The following RALGAPA2 variants were observed in gnomAD, a reference collection of about 807,000 sequenced individuals.
RALGAPA2 encodes the protein Ral GTPase activating protein catalytic subunit alpha 2.
Under a neutral mutation model 230.4 loss-of-function variants are expected in RALGAPA2, and 139 were observed. That is an observed-to-expected ratio of 0.60 (90% CI 0.53 to 0.69). The LOEUF is 0.69. Among genes scored for constraint, RALGAPA2 ranks in the 30% least tolerant of loss-of-function variants. RALGAPA2 has a pLI of 0.00. For missense variants in RALGAPA2, 2,163 were observed against 2,276.0 expected (o/e 0.95, Z 1.01); for synonymous variants, 847 against 837.8 (o/e 1.01, Z -0.19).
chr20:20,660,042 C>T (rs2067718641), intron 3 of RALGAPA2: 1 of 174,928 alleles, frequency 5.7e-6, no homozygotes. Flanking sequence ...GCCAGAAGTT[C>T]GAGACCAGCC....
intron 20 of RALGAPA2, 131 bp downstream of exon 20, chr20:20,582,919 G>C: frequency 6.6e-6 from 6 of 903,548 alleles, no homozygotes; most frequent in Non-Finnish European, 8.3e-6. Flanking sequence ...TCCTATGGTG[G>C]ACAGTGGTCA....
chr20:20,523,517 A>G (rs1195971826), intron 30 of RALGAPA2, among the ~76,000 whole-genome samples: 1 of 152,232 alleles, frequency 6.6e-6, no homozygotes, highest in Non-Finnish European at 1.5e-5. Context: ...CTGGTGTTCT[A>G]TAGATTAGTA....
intron 20 of RALGAPA2, among the ~76,000 whole-genome samples, chr20:20,576,619 T>C (rs1028336092): frequency 3.3e-5 from 5 of 152,186 alleles, no homozygotes; most frequent in African/African-American, 1.2e-4. Context: ...TCTCTAATTA[T>C]GTTTTTTTCA....
chr20:20,656,199 A>T (rs746416334), intron 3 of RALGAPA2, among the ~76,000 whole-genome samples: 15 of 152,252 alleles, frequency 9.9e-5, no homozygotes, highest in African/African-American at 1.4e-4. Flanking sequence ...CTAAGAAGGT[A>T]AAATGAAGGT....
At position 20,712,528 on chromosome 20, in the gene RALGAPA2, C is replaced by A; in HGVS notation, c.-48G>T. On this transcript the variant is annotated 5_prime_UTR_variant, in exon 1 of 40. Coordinates refer to ENST00000202677, the MANE Select transcript of RALGAPA2 (RefSeq NM_020343.4). This position sits in a 1 kb window ranked among gnomAD's most constrained non-coding sequence, Gnocchi z 5.5. Reference sequence around the variant, plus strand: ...CCGCCGGCGGGGCAGTAGGCGCCTGCGCCACGCGAATCAAAGCATAGGGTC... The same window carrying A: ...CCGCCGGCGGGGCAGTAGGCGCCTGAGCCACGCGAATCAAAGCATAGGGTC... The A allele has an allele frequency of 4.6e-6, 7 of 1,517,630 alleles. No individual in the cohort carries two copies. Among genetic ancestry groups the A allele is most frequent in the Non-Finnish European group, 6.2e-6 (7 of 1,133,048 alleles). The allele number at this position is 1,517,630 out of a possible 1,614,324, so 94.0% of individuals were successfully genotyped here. A position where few individuals can be genotyped will look rare whatever the true frequency, so the allele number is the denominator to read the frequency against.
intron 1 of RALGAPA2, among the ~76,000 whole-genome samples, chr20:20,706,733 T>C (rs1022055595): frequency 6.6e-6 from 1 of 152,216 alleles, no homozygotes; most frequent in Non-Finnish European, 1.5e-5. Flanking sequence ...TTCATTCTAC[T>C]AGATAAATAC....
At chr20:20,580,149 T>C (rs1836842503) in intron 20 of RALGAPA2, among the ~76,000 whole-genome samples, 1 of 152,184 alleles carries the variant, frequency 6.6e-6, no homozygotes, top group African/African-American at 2.4e-5. Context: ...CAATACTGAT[T>C]CTTAGCTGTA....
chr20:20,648,357 A>C (rs745528400), intron 4 of RALGAPA2, among the ~76,000 whole-genome samples: 4 of 152,168 alleles, frequency 2.6e-5, no homozygotes, highest in South Asian at 2.1e-4. Context: ...AGATGAGAAA[A>C]GATGGGAGAG....
At chr20:20,683,913 C>A (rs959563564) in intron 1 of RALGAPA2, among the ~76,000 whole-genome samples, 1 of 152,124 alleles carries the variant, frequency 6.6e-6, no homozygotes, top group Non-Finnish European at 1.5e-5. Context: ...ACCCTCACAC[C>A]CAAACCTTGG....
At chr20:20,510,031 G>A (rs1305588392) in intron 33 of RALGAPA2, among the ~76,000 whole-genome samples, 1 of 152,120 alleles carries the variant, frequency 6.6e-6, no homozygotes, top group Non-Finnish European at 1.5e-5. Context: ...GAGTTTGCTT[G>A]AAAATAAAAT....
intron 27 of RALGAPA2, among the ~76,000 whole-genome samples, chr20:20,531,200 G>A (rs908939617): frequency 1.3e-5 from 2 of 152,148 alleles, no homozygotes; most frequent in African/African-American, 2.4e-5. Context: ...TTTAGAGTTC[G>A]CCATTACTCT....
intron 3 of RALGAPA2, among the ~76,000 whole-genome samples, chr20:20,670,854 C>G (rs12481331): frequency 0.03 from 4,417 of 147,248 alleles, 85 homozygotes; most frequent in South Asian, 0.062. Context: ...GAGGCTGAGG[C>G]AGGAAGAATT....
intron 38 of RALGAPA2, among the ~76,000 whole-genome samples, chr20:20,409,032 C>A (rs753495221): frequency 6.6e-6 from 1 of 152,146 alleles, no homozygotes; most frequent in Admixed American, 6.5e-5. Flanking sequence ...AAATGCCGAG[C>A]GCTCATATAT....
intron 38 of RALGAPA2, among the ~76,000 whole-genome samples, chr20:20,406,428 G>T (rs570077258): frequency 1.5e-4 from 23 of 152,188 alleles, no homozygotes; most frequent in African/African-American, 5.3e-4. Context: ...GAATCAAGCC[G>T]GTTATGAGGG....
At chr20:20,427,737 G>A (rs758140613) in intron 37 of RALGAPA2, among the ~76,000 whole-genome samples, 1 of 151,986 alleles carries the variant, frequency 6.6e-6, no homozygotes, top group Admixed American at 6.6e-5. Flanking sequence ...ATTTTCTATT[G>A]AGCTATGACT....
intron 39 of RALGAPA2, among the ~76,000 whole-genome samples, chr20:20,395,731 G>C (rs1313674324): frequency 6.6e-6 from 1 of 152,164 alleles, no homozygotes; most frequent in African/African-American, 2.4e-5. Context: ...CTGTGATGCT[G>C]GCTGCTCCTC....
chr20:20,635,783 T>C (rs1167283719), intron 8 of RALGAPA2, among the ~76,000 whole-genome samples, 166 bp from the exon 9 acceptor site: 3 of 152,234 alleles, frequency 2.0e-5, no homozygotes, highest in Non-Finnish European at 4.4e-5. Flanking sequence ...GGTAGGCTCC[T>C]TTCTGATTCC....
chr20:20,638,229 AAC>A (rs1206098955), intron 7 of RALGAPA2, among the ~76,000 whole-genome samples: 10 of 152,202 alleles, frequency 6.6e-5, no homozygotes, highest in African/African-American at 2.4e-4. Flanking sequence ...GACTTAGGGA[AAC>A]ACAGCCCTTA....
chr20:20,655,046 T>C (rs1423894065), intron 3 of RALGAPA2, among the ~76,000 whole-genome samples: 1 of 152,198 alleles, frequency 6.6e-6, no homozygotes, highest in Non-Finnish European at 1.5e-5. Flanking sequence ...ATCTATGTAT[T>C]CTTTTGAGAA....
Sources: allele counts gnomAD v4.1 joint callset (sites outside exome capture counted in the v4.1 genomes callset), GRCh38; gene constraint gnomAD v4.1.1; non-coding constraint Gnocchi (gnomAD v3.1); transcripts MANE v1.5; gene names NCBI Gene and HGNC (gene_info 2026-07-23, HGNC 2026-07-21).